Variants in TMEM232 observed in about 807,000 individuals in gnomAD.
TMEM232 encodes transmembrane protein 232.
A neutral mutation model predicts 78.8 loss-of-function variants in TMEM232; 80 were observed. The observed-to-expected ratio is 1.01, with a 90% CI of 0.85 to 1.22. TMEM232 has a LOEUF of 1.22. Among genes scored for constraint, TMEM232 ranks in the 50% most tolerant of loss-of-function variants. The pLI is 0.00. For synonymous variants in TMEM232, 297 were observed against 254.3 expected, an observed-to-expected ratio of 1.17 and a Z score of -1.60; for missense variants, 881 against 742.2, an observed-to-expected ratio of 1.19 and a Z score of -2.17.
intron 1 of TMEM232, among the ~76,000 whole-genome samples, chr5:110,709,969 A>G (rs1425631971): frequency 6.6e-6 from 1 of 152,052 alleles, no homozygotes; most frequent in Non-Finnish European, 1.5e-5. Context: ...AAAAAAATCA[A>G]TTACCATGAA....
chr5:110,528,692 G>A lies in TMEM232; in HGVS notation c.1599C>T (p.Ala533=), dbSNP rs1396661846. ...ATGGTTTCTTCAAAGGAAGAAAATGGGCCTCAATGGGGGGAAAGAATAGTT... is the reference window on the plus strand; with the variant it reads ...ATGGTTTCTTCAAAGGAAGAAAATGAGCCTCAATGGGGGGAAAGAATAGTT... The part of the protein sequence containing the change: ...LSKLFFPPIE[A]HFLPLKKPSI... Residue 533 remains alanine, a synonymous_variant, in exon 12 of 14, where the codon GCC becomes GCT. Coordinates refer to ENST00000455884, the MANE Select transcript of TMEM232 (RefSeq NM_001039763.4). 2.0e-6 allele frequency: 3 copies of A among 1,534,966 alleles called. No individual in the cohort carries two copies. The South Asian group carries it at 3.6e-5, about 18-fold the overall frequency.
chr5:110,690,058 T>G (rs1195151698), intron 1 of TMEM232, among the ~76,000 whole-genome samples: 1 of 152,128 alleles, frequency 6.6e-6, no homozygotes, highest in Non-Finnish European at 1.5e-5. Flanking sequence ...GGCAATACCA[T>G]TCAGGACATA....
chr5:110,693,211 C>G (rs1794351052), intron 1 of TMEM232, among the ~76,000 whole-genome samples: 1 of 152,190 alleles, frequency 6.6e-6, no homozygotes, highest in South Asian at 2.1e-4. Context: ...AATGGACCTC[C>G]AGCAAACTCC....
chr5:110,621,376 T>C (rs1295219907), intron 7 of TMEM232, among the ~76,000 whole-genome samples: 2 of 152,120 alleles, frequency 1.3e-5, no homozygotes, highest in African/African-American at 4.8e-5. Context: ...GGTTGGCAGA[T>C]AACTGCCATT....
chr5:110,657,359 C>T (rs969124233), intron 2 of TMEM232, among the ~76,000 whole-genome samples: 3 of 149,158 alleles, frequency 2.0e-5, no homozygotes, highest in African/African-American at 7.4e-5. Context: ...ATATGTGCAT[C>T]TAATGATGAA....
chr5:110,698,619 G>A (rs564559312), intron 1 of TMEM232, among the ~76,000 whole-genome samples: 47 of 152,026 alleles, frequency 3.1e-4, no homozygotes, highest in African/African-American at 1.1e-3. Flanking sequence ...GGAACCACTG[G>A]GTTTACATGG....
At chr5:110,434,377 A>G (rs1758184475) in intron 12 of TMEM232, among the ~76,000 whole-genome samples, 1 of 151,760 alleles carries the variant, frequency 6.6e-6, no homozygotes, top group South Asian at 2.1e-4. Flanking sequence ...AAATGAATAA[A>G]TTCCTAGAAA....
chr5:110,453,937 A>T (rs150512013), intron 12 of TMEM232, among the ~76,000 whole-genome samples: 2,900 of 152,334 alleles, frequency 0.019, 30 homozygotes, highest in South Asian at 0.03. Flanking sequence ...ATTAATAAAA[A>T]AAATCAATTC....
At chr5:110,531,937 C>A (rs1182596038) in intron 11 of TMEM232, among the ~76,000 whole-genome samples, 2 of 152,200 alleles carry the variant, frequency 1.3e-5, no homozygotes, top group Non-Finnish European at 2.9e-5. Flanking sequence ...TCAAACTCCA[C>A]AACAGGACTT....
intron 8 of TMEM232, among the ~76,000 whole-genome samples, chr5:110,615,416 C>G (rs573237311): frequency 1.3e-5 from 2 of 151,950 alleles, no homozygotes; most frequent in African/African-American, 2.4e-5. Flanking sequence ...AAAAATAATT[C>G]AAAACTGTGA....
chr5:110,539,572 C>T (rs545102986), intron 11 of TMEM232, among the ~76,000 whole-genome samples: 25 of 152,190 alleles, frequency 1.6e-4, no homozygotes, highest in East Asian at 5.8e-4. Flanking sequence ...ATCCTAATAC[C>T]GGAGGAAAAC....
At chr5:110,456,576 G>C (rs1378458213) in intron 12 of TMEM232, among the ~76,000 whole-genome samples, 1 of 151,978 alleles carries the variant, frequency 6.6e-6, no homozygotes, top group Non-Finnish European at 1.5e-5. Context: ...AAAATAACTA[G>C]AATAACAAAA....
chr5:110,610,180 T>C (rs1013726041), intron 8 of TMEM232, among the ~76,000 whole-genome samples: 1 of 109,214 alleles, frequency 9.2e-6, no homozygotes, highest in African/African-American at 3.8e-5. Context: ...TATTCCTATC[T>C]AATTACAGAA....
At chr5:110,556,937 AT>A (rs1293002090) in intron 11 of TMEM232, among the ~76,000 whole-genome samples, 1 of 152,036 alleles carries the variant, frequency 6.6e-6, no homozygotes, top group Non-Finnish European at 1.5e-5. Flanking sequence ...GGTTAAGGAC[AT>A]TTTCATTGGC....
intron 1 of TMEM232, among the ~76,000 whole-genome samples, chr5:110,708,853 C>CA (rs1215503269): frequency 6.6e-6 from 1 of 151,772 alleles, no homozygotes; most frequent in Non-Finnish European, 1.5e-5. Context: ...AAACAAATAA[C>CA]AAAATGGCAG....
At chr5:110,689,538 C>T (rs116044057) in intron 1 of TMEM232, among the ~76,000 whole-genome samples, 12,950 of 152,060 alleles carry the variant, frequency 0.085, 573 homozygotes, top group Admixed American at 0.12. Flanking sequence ...GAATCAATAT[C>T]GTGAAAATGG....
chr5:110,618,528 C>T lies in TMEM232; in HGVS notation c.803G>A (p.Cys268Tyr), dbSNP rs778526687. Residue 268 changes from cysteine (C) to tyrosine (Y), a missense_variant, in exon 8 of 14, where the codon TGT becomes TAT. Cys to Tyr is a radical substitution (Grantham distance 194). Transcript: ENST00000455884. Reference protein sequence around the residue: ...GYEINHLLWHCVAAWSCVQNN... With the variant: ...GYEINHLLWHYVAAWSCVQNN... ...CTGAACACAAGACCAAGCAGCAACA[C>T]AGTGCCAGAGCAGGTGGTTAATTTC... The T allele has an allele frequency of 9.0e-6, 14 of 1,551,312 alleles. No homozygotes were observed. The highest frequency in any genetic ancestry group is 1.4e-5 in the African/African-American group (1 of 73,002).
chr5:110,563,201 C>T (rs1020141775), intron 11 of TMEM232, among the ~76,000 whole-genome samples: 3 of 151,824 alleles, frequency 2.0e-5, no homozygotes, highest in Non-Finnish European at 2.9e-5. Context: ...TTTGTTTATT[C>T]GTTAATTCTC....
intron 12 of TMEM232, among the ~76,000 whole-genome samples, chr5:110,427,896 T>C (rs1393440672): frequency 1.3e-5 from 2 of 151,924 alleles, no homozygotes; most frequent in Non-Finnish European, 2.9e-5. Flanking sequence ...AAGGGGTATA[T>C]GAGATGTTTT....
Sources: allele counts gnomAD v4.1 joint callset (sites outside exome capture counted in the v4.1 genomes callset), GRCh38; gene constraint gnomAD v4.1.1; transcripts MANE v1.5; gene names NCBI Gene and HGNC (gene_info 2026-07-23, HGNC 2026-07-21).